The following FHIT variants were observed in gnomAD, a reference collection of about 807,000 sequenced individuals.
FHIT encodes fragile histidine triad diadenosine triphosphatase.
In FHIT, 19 loss-of-function variants were observed where a neutral mutation model predicts 17.9. The observed-to-expected ratio is 1.06, with a 90% CI of 0.74 to 1.56. The LOEUF is 1.56. Ranked by LOEUF, FHIT falls within the 40% of genes most tolerant of loss-of-function variation. The pLI is 0.00. For missense variants in FHIT, 248 were observed against 189.2 expected (o/e 1.31, Z -1.82); for synonymous variants, 81 against 69.7 (o/e 1.16, Z -0.81).
chr3:60,102,028 A>G (rs1298933181), intron 5 of FHIT, among the ~76,000 whole-genome samples: 3 of 152,218 alleles, frequency 2.0e-5, no homozygotes, highest in East Asian at 3.8e-4. Flanking sequence ...GCACCAAGGC[A>G]AAGTTAAATG....
At chr3:60,750,442 C>A (rs1199871140) in intron 4 of FHIT, among the ~76,000 whole-genome samples, 2 of 152,014 alleles carry the variant, frequency 1.3e-5, no homozygotes, top group Admixed American at 1.3e-4. Context: ...TGGGAGGAAC[C>A]CAGCAGGAGG....
chr3:61,103,393 ATTTGATT>A (rs1391351554), intron 2 of FHIT, among the ~76,000 whole-genome samples: 8 of 152,010 alleles, frequency 5.3e-5, no homozygotes, highest in African/African-American at 1.9e-4. Flanking sequence ...CTGAGTTCTA[ATTTGATT>A]GCACTGTGGT....
At chr3:60,526,015 A>G (rs2035560894) in intron 5 of FHIT, among the ~76,000 whole-genome samples, 3 of 152,162 alleles carry the variant, frequency 2.0e-5, no homozygotes, top group African/African-American at 7.2e-5. Context: ...AGGTGAGAAG[A>G]TCACTTGAGT....
At position 59,749,356 on chromosome 3, in the gene FHIT, A is replaced by G. The variant is rs1043101002; in HGVS notation, c.*229T>C. The G allele has an allele frequency of 1.3e-5, 3 of 231,110 alleles. No homozygotes were observed. The highest frequency in any genetic ancestry group is 5.7e-5 in the Admixed American group (1 of 17,604). The allele number at this position is 231,110 out of a possible 1,614,324, so 14.3% of individuals were successfully genotyped here. ...AATCATAAGGCTGCCGAATAAGGAG[A>G]CAGGGGGAAACCTCAAATCTGCCTG... On this transcript the variant is annotated 3_prime_UTR_variant, in exon 10 of 10. Coordinates refer to ENST00000492590, the MANE Select transcript of FHIT (RefSeq NM_002012.4).
intron 4 of FHIT, among the ~76,000 whole-genome samples, chr3:60,539,203 A>G (rs2036094460): frequency 6.6e-6 from 1 of 152,218 alleles, no homozygotes; most frequent in South Asian, 2.1e-4. Context: ...GCTCATCATC[A>G]ATGGCCATCA....
intron 8 of FHIT, among the ~76,000 whole-genome samples, chr3:59,775,965 T>C (rs1373945351): frequency 2.0e-5 from 3 of 152,232 alleles, no homozygotes; most frequent in Non-Finnish European, 4.4e-5. Flanking sequence ...TTTTTGATTC[T>C]CATTCTCCAT....
intron 4 of FHIT, among the ~76,000 whole-genome samples, chr3:60,811,653 C>A (rs1377857406): frequency 1.3e-5 from 2 of 152,266 alleles, no homozygotes; most frequent in South Asian, 2.1e-4. Context: ...TGACTCCAGG[C>A]TAGGACACCT....
intron 5 of FHIT, among the ~76,000 whole-genome samples, chr3:60,470,865 G>C (rs1230366655): frequency 1.3e-5 from 2 of 152,208 alleles, no homozygotes; most frequent in Admixed American, 1.3e-4. Flanking sequence ...AAGGCCTGCA[G>C]CAAGTACTGC....
At chr3:61,135,063 T>C (rs1197465119) in intron 2 of FHIT, among the ~76,000 whole-genome samples, 1 of 152,142 alleles carries the variant, frequency 6.6e-6, no homozygotes, top group African/African-American at 2.4e-5. Context: ...ACCACAGTTG[T>C]TGCTGAAATC....
intron 8 of FHIT, among the ~76,000 whole-genome samples, chr3:59,860,270 C>A (rs1214798340): frequency 6.6e-6 from 1 of 152,012 alleles, no homozygotes. Context: ...ATCAGGAATG[C>A]AAATGAGAAT....
At chr3:60,445,819 T>C (rs1370098336) in intron 5 of FHIT, among the ~76,000 whole-genome samples, 2 of 151,940 alleles carry the variant, frequency 1.3e-5, no homozygotes, top group African/African-American at 2.4e-5. Flanking sequence ...TTTCTGTTTA[T>C]AGCAAGACTC....
chr3:60,991,882 G>A (rs1249785436), intron 3 of FHIT, among the ~76,000 whole-genome samples: 1 of 152,092 alleles, frequency 6.6e-6, no homozygotes, highest in Non-Finnish European at 1.5e-5. Context: ...GATCATTCAG[G>A]TGAGAATACA....
In FHIT at chr3:60,521,494, A is replaced by G. The variant is rs577776932; in HGVS notation, c.103+15366T>C. ...GATCTGCTGACTTCGTGATCCGCCCACCTCGGCCTCCCAAAGTGCTGGGAT... is the reference window on the plus strand; with the variant it reads ...GATCTGCTGACTTCGTGATCCGCCCGCCTCGGCCTCCCAAAGTGCTGGGAT... On this transcript the variant is annotated intron_variant, in intron 5 of 9. Transcript: ENST00000492590. Among the ~76,000 whole-genome samples, 668 of 152,104 alleles carry G rather than the reference A, an allele frequency of 4.4e-3. 4 individuals carry two copies. Among genetic ancestry groups the G allele is most frequent in the African/African-American group, 7.5e-3 (313 of 41,504 alleles).
At chr3:61,192,572 C>T (rs930301333) in intron 2 of FHIT, among the ~76,000 whole-genome samples, 3 of 152,160 alleles carry the variant, frequency 2.0e-5, no homozygotes, top group African/African-American at 7.2e-5. Flanking sequence ...TTTAATTCCC[C>T]TATTGTTTGA....
intron 3 of FHIT, among the ~76,000 whole-genome samples, chr3:61,037,092 T>C (rs565603480): frequency 2.0e-5 from 3 of 152,198 alleles, no homozygotes; most frequent in South Asian, 4.2e-4. Flanking sequence ...TTTGTATTTT[T>C]AGTAGAGACA....
chr3:60,433,899 T>G (rs746648237), intron 5 of FHIT, among the ~76,000 whole-genome samples: 1 of 152,140 alleles, frequency 6.6e-6, no homozygotes. Flanking sequence ...TTTCCTTTGC[T>G]GTGCAGAAGC....
chr3:59,839,951 C>G (rs1341144532), intron 8 of FHIT, among the ~76,000 whole-genome samples: 1 of 152,198 alleles, frequency 6.6e-6, no homozygotes, highest in African/African-American at 2.4e-5. Flanking sequence ...TTAAAGATGA[C>G]TTCTTTTACT....
rs112888346 is a variant in FHIT at position 60,388,586 on chromosome 3, G to A, written c.103+148274C>T. On this transcript the variant is annotated intron_variant, in intron 5 of 9. Coordinates refer to ENST00000492590, the MANE Select transcript of FHIT (RefSeq NM_002012.4). ...ACTACACTCCAGCCTGGGTGATAGA[G>A]ACCCAATCTCCAAACAAAACGAAAC... 7.2e-3 allele frequency among the ~76,000 whole-genome samples: 1,097 copies of A among 152,222 alleles called. 17 individuals carry two copies. Among genetic ancestry groups the A allele is most frequent in the African/African-American group, 0.025 (1,029 of 41,540 alleles).
chr3:59,881,984 G>T (rs1703429272), intron 8 of FHIT, among the ~76,000 whole-genome samples: 1 of 152,044 alleles, frequency 6.6e-6, no homozygotes. Flanking sequence ...AGGTGCTTTG[G>T]AATTATTCAC....
Sources: gnomAD v4.1 joint callset for allele counts (sites outside exome capture counted in the v4.1 genomes callset) on GRCh38, gnomAD v4.1.1 for gene constraint, MANE v1.5 for transcripts, NCBI Gene and HGNC (gene_info 2026-07-23, HGNC 2026-07-21) for gene names.